Variants in NFIC observed in about 807,000 individuals in gnomAD.
NFIC encodes the protein nuclear factor 1 C-type.
A neutral mutation model predicts 54.4 loss-of-function variants in NFIC; 12 were observed. The observed-to-expected ratio is 0.22, with a 90% CI of 0.14 to 0.36. NFIC has a LOEUF of 0.36. NFIC is among the 10% of genes least tolerant of loss of function. The pLI is 1.00. For synonymous variants in NFIC, 322 were observed against 319.2 expected (o/e 1.01, Z -0.09); for missense variants, 575 against 718.2 (o/e 0.80, Z 2.28).
rs546647197 is a variant in NFIC at position 3,431,480 on chromosome 19, C to T, written c.635-2038C>T. ...ACCTCCAGGGCTCGAGCTATCCTCC[C>T]GCCTCGGCCTCCCAAGTAGCTGGGA... On this transcript the variant is annotated intron_variant, in intron 3 of 10. Coordinates refer to ENST00000443272, the MANE Select transcript of NFIC (RefSeq NM_001245002.2). Among the ~76,000 whole-genome samples the T allele has an allele frequency of 1.3e-4, 19 of 150,586 alleles. 1 individual carries two copies. The South Asian group carries it at 1.3e-3, about 10-fold the overall frequency.
intron 2 of NFIC, among the ~76,000 whole-genome samples, chr19:3,391,832 T>C (rs1209283481): frequency 6.6e-6 from 1 of 152,070 alleles, no homozygotes; most frequent in Admixed American, 6.6e-5. Flanking sequence ...ATGTAATAAT[T>C]AGTAATATGT....
At chr19:3,448,049 C>T (rs1297276276) in intron 6 of NFIC, among the ~76,000 whole-genome samples, 2 of 151,974 alleles carry the variant, frequency 1.3e-5, no homozygotes, top group Non-Finnish European at 2.9e-5. Context: ...GGATTACAGG[C>T]GTGAGCCCCT....
chr19:3,456,246 G>A (rs908183767), intron 9 of NFIC, among the ~76,000 whole-genome samples: 12 of 152,302 alleles, frequency 7.9e-5, no homozygotes, highest in Admixed American at 5.9e-4. Flanking sequence ...AATAATTCAC[G>A]GGCGGTTTTG....
In NFIC at chr19:3,458,882, TA is replaced by T. The variant is rs1323631495; in HGVS notation, c.1509+2248del. 6.6e-6 allele frequency among the ~76,000 whole-genome samples: 1 copy of T among 152,060 alleles called. No individual in the cohort carries two copies. Among genetic ancestry groups the T allele is most frequent in the East Asian group, 1.9e-4 (1 of 5,166 alleles). ...AAGAGGCTCTCAGGGGAGCATGGGT[TA>T]GGGGGAAGGCGAGGTCCCCAAACTG... On this transcript the variant is annotated intron_variant, in intron 10 of 10. Transcript: ENST00000443272. The surrounding 1 kb of genome is among the most constrained non-coding windows in gnomAD (Gnocchi z 4.1).
chr19:3,396,189 G>C (rs1048390229), intron 2 of NFIC, among the ~76,000 whole-genome samples: 19 of 152,182 alleles, frequency 1.2e-4, no homozygotes, highest in African/African-American at 4.1e-4. Flanking sequence ...GTGTGTTTCC[G>C]GGCCGGGCGC....
chr19:3,467,464 G>A lies in NFIC; in HGVS notation c.*4695G>A, dbSNP rs936802599. The A allele has an allele frequency of 4.0e-5, 6 of 151,586 alleles. No homozygotes were observed. The highest frequency in any genetic ancestry group is 8.8e-5 in the Non-Finnish European group (6 of 67,902). The allele number at this position is 151,586 out of a possible 1,614,324, so 9.4% of individuals were successfully genotyped here. A position where few individuals can be genotyped will look rare whatever the true frequency, so the allele number is the denominator to read the frequency against. On this transcript the variant is annotated 3_prime_UTR_variant, in exon 11 of 11. Coordinates refer to ENST00000443272, the MANE Select transcript of NFIC (RefSeq NM_001245002.2). The stretch of plus-strand genomic sequence containing the variant: ...GGCCCCACCCTGGGCTGGACAATCA[G>A]ATCCCAAAGGAATGCCAAAGGGGAC...
In NFIC at chr19:3,456,510, C is replaced by T. The variant is rs767036212; in HGVS notation, c.1424-40C>T. ...GCCAGGGCCGCCCCGGCTCCCACAA[C>T]CCCTCGCTAACGGGCTCTCGGTCTC... On this transcript the variant is annotated intron_variant, in intron 9 of 10. Transcript: ENST00000443272. The T allele has an allele frequency of 6.5e-6, 10 of 1,545,602 alleles. No individual in the cohort carries two copies. In the South Asian group the frequency reaches 1.2e-4, roughly 18 times the overall value.
At chr19:3,462,472 G>T (rs111368986) in intron 10 of NFIC, among the ~76,000 whole-genome samples, 27 of 152,166 alleles carry the variant, frequency 1.8e-4, no homozygotes, top group Admixed American at 2.6e-4. Context: ...CCAATGTTGC[G>T]TGGGCTAGAC....
chr19:3,381,695 G>A lies in NFIC; in HGVS notation c.31-17G>A. On this transcript the variant is annotated splice_polypyrimidine_tract_variant and intron_variant, in intron 1 of 10. Coordinates refer to ENST00000443272, the MANE Select transcript of NFIC (RefSeq NM_001245002.2). ...GCGTCCCTGGCGCTCCTGACCTCTC[G>A]CCTCTCCGGCCTGCAGGATGAGTTC... The A allele has an allele frequency of 5.0e-6, 8 of 1,611,986 alleles. No homozygotes were observed. The highest frequency in any genetic ancestry group is 6.8e-6 in the Non-Finnish European group (8 of 1,179,406).
chr19:3,381,987 G>A lies in NFIC; in HGVS notation c.306G>A (p.Pro102=), dbSNP rs369119535. The A allele has an allele frequency of 7.4e-6, 12 of 1,613,322 alleles. No individual in the cohort carries two copies. The East Asian group carries it at 1.3e-4, about 18-fold the overall frequency. ...TGAGCATCACCGGCAAGAAGGCGCC[G>A]GGCTGCGTGCTCTCCAACCCCGACC... ...FVLSITGKKA[P]GCVLSNPDQK... is the part of the protein sequence containing the mutation. The change falls in exon 2 of 11, where the codon CCG becomes CCA. Residue 102 remains proline (P), a synonymous_variant. Transcript: ENST00000443272.
At chr19:3,387,966 C>T (rs1440111489) in intron 2 of NFIC, among the ~76,000 whole-genome samples, 2 of 152,100 alleles carry the variant, frequency 1.3e-5, no homozygotes, top group Non-Finnish European at 1.5e-5. Flanking sequence ...AAATCTGAGG[C>T]GCGGGCGGGC....
chr19:3,452,450 C>T lies in NFIC; in HGVS notation c.1085-32C>T, dbSNP rs2082479363. The T allele has an allele frequency of 6.2e-7, 1 of 1,606,812 alleles. No homozygotes were observed. The highest frequency in any genetic ancestry group is 1.7e-4 in the Middle Eastern group (1 of 6,048). ...CACAGAGCAGACCGGCTGGAGCCCC[C>T]AAGTAACCCCCGCTTCCCACTGTCT... is the stretch of plus-strand genomic sequence containing the variant. On this transcript the variant is annotated intron_variant, in intron 7 of 10. Transcript: ENST00000443272. This position sits in a 1 kb window ranked among gnomAD's most constrained non-coding sequence, Gnocchi z 5.3.
intron 1 of NFIC, among the ~76,000 whole-genome samples, chr19:3,367,044 G>A (rs1201973548): frequency 2.0e-5 from 3 of 151,232 alleles, no homozygotes; most frequent in South Asian, 2.1e-4. Flanking sequence ...CTCCAGCAAG[G>A]GCTCTGCGGG....
rs112148391 is a variant in NFIC at position 3,437,398 on chromosome 19, G to A, written c.958+2191G>A. ...AAAAAAAAAATTCCTGTCTCTTTCC[G>A]GCACTCGGACGCATCTAGTTGTGAC... On this transcript the variant is annotated intron_variant, in intron 6 of 10. Coordinates refer to ENST00000443272, the MANE Select transcript of NFIC (RefSeq NM_001245002.2). Among the ~76,000 whole-genome samples the A allele has an allele frequency of 6.8e-3, 1,023 of 151,320 alleles. 6 individuals carry two copies. The highest frequency in any genetic ancestry group is 0.012 in the African/African-American group (485 of 41,240).
At chr19:3,397,700 C>T (rs527507220) in intron 2 of NFIC, among the ~76,000 whole-genome samples, 3 of 152,276 alleles carry the variant, frequency 2.0e-5, no homozygotes, top group East Asian at 3.9e-4. Context: ...CTGAATGGGC[C>T]TCTTGTTCCT....
intron 1 of NFIC, among the ~76,000 whole-genome samples, chr19:3,374,411 G>A (rs944450858): frequency 2.6e-5 from 4 of 152,158 alleles, no homozygotes; most frequent in African/African-American, 4.8e-5. Context: ...TCTCCAGCAG[G>A]CTGCAATATT....
At chr19:3,405,589 TA>T (rs1168843969) in intron 2 of NFIC, among the ~76,000 whole-genome samples, 1 of 151,382 alleles carries the variant, frequency 6.6e-6, no homozygotes, top group African/African-American at 2.4e-5. Context: ...TTATTTAATT[TA>T]ATTTATTTAT....
intron 1 of NFIC, among the ~76,000 whole-genome samples, chr19:3,381,443 T>G (rs2081205621): frequency 6.6e-6 from 1 of 151,722 alleles, no homozygotes; most frequent in African/African-American, 2.4e-5. Flanking sequence ...CCGCCTTGAT[T>G]TGTGCCTCTC....
intron 2 of NFIC, among the ~76,000 whole-genome samples, chr19:3,422,544 C>T (rs972568601): frequency 1.4e-4 from 21 of 151,394 alleles, no homozygotes; most frequent in South Asian, 2.1e-4. Context: ...GGTGAAACCC[C>T]GTCTCTATTA....
Sources: gnomAD v4.1 joint callset for allele counts (sites outside exome capture counted in the v4.1 genomes callset) on GRCh38, gnomAD v4.1.1 for gene constraint, Gnocchi (gnomAD v3.1) non-coding constraint, MANE v1.5 for transcripts, NCBI Gene and HGNC (gene_info 2026-07-23, HGNC 2026-07-21) for gene names.